The following SVBP variants were observed in gnomAD, a reference collection of about 807,000 sequenced individuals.
The protein encoded by SVBP is small vasohibin-binding protein.
A neutral mutation model predicts 9.2 loss-of-function variants in SVBP; 9 were observed. That is an observed-to-expected ratio of 0.98 (90% confidence interval 0.59 to 1.71). SVBP has a LOEUF of 1.71. Among genes scored for constraint, SVBP ranks in the 40% most tolerant of loss-of-function variants. SVBP has a pLI of 0.00. For missense variants in SVBP, 63 were observed against 73.2 expected (o/e 0.86, Z 0.51); for synonymous variants, 27 against 23.9 (o/e 1.13, Z -0.37).
Position 42,817,348 on chromosome 1 carries a change from G to T in SVBP, c.-195C>A. On this transcript the variant is annotated 5_prime_UTR_variant, in exon 1 of 3. Coordinates refer to ENST00000372521, the MANE Select transcript of SVBP (RefSeq NM_199342.4). ...CCGCGCGCCGGGGGGAGGGGCGCAG[G>T]GCCGAGCGCCAGGAGGCTTCCGCCC... 2 of 841,324 alleles carry T rather than the reference G, an allele frequency of 2.4e-6. No homozygotes were observed. The highest frequency in any genetic ancestry group is 1.5e-6 in the Non-Finnish European group (1 of 663,986). 52.1% of individuals were successfully genotyped at this position (841,324 alleles called of 1,614,324 possible).
intron 2 of SVBP, among the ~76,000 whole-genome samples, chr1:42,810,797 T>C (rs1018713365): frequency 6.6e-6 from 1 of 152,144 alleles, no homozygotes; most frequent in African/African-American, 2.4e-5. Context: ...AAACTGTCTC[T>C]TCCTCCCCAC....
In SVBP at chr1:42,816,504, T is replaced by A; in HGVS notation, c.41A>T (p.Glu14Val). 6.2e-7 allele frequency: 1 copy of A among 1,614,196 alleles called. No homozygotes were observed. The highest frequency in any genetic ancestry group is 8.5e-7 in the Non-Finnish European group (1 of 1,180,016). Residue 14 changes from glutamate (E) to valine (V), a missense_variant, in exon 2 of 3, where the codon GAA (glutamate) becomes GTA (valine). Glu to Val is a moderately radical substitution (Grantham distance 121, BLOSUM62 -2). Coordinates refer to ENST00000372521, the MANE Select transcript of SVBP (RefSeq NM_199342.4). ...GGCCTTCTCAACTCTGCTGACAGAT[T>A]CTTTAACTTTGGTTTTTTCTTTACG... ...PARKEKTKVK[E>V]SVSRVEKAKQ...
chr1:42,813,793 C>T, intron 2 of SVBP: 1 of 493,620 alleles, frequency 2.0e-6, no homozygotes, highest in Non-Finnish European at 4.1e-6. Context: ...AGGGCTGTTT[C>T]TTATAGCAAC....
Position 42,807,118 on chromosome 1 carries a change from T to C in SVBP, c.*296A>G, listed in dbSNP as rs1218691442. ...TAGAGTTTCATGAGAAACACTGATT[T>C]TTCTCAAACAATAGAAAAAGTGTTT... On this transcript the variant is annotated 3_prime_UTR_variant, in exon 3 of 3. Coordinates refer to ENST00000372521, the MANE Select transcript of SVBP (RefSeq NM_199342.4). 1 of 237,894 alleles carries C rather than the reference T, an allele frequency of 4.2e-6. No homozygotes were observed. Among genetic ancestry groups the C allele is most frequent in the African/African-American group, 2.2e-5 (1 of 44,598 alleles). 14.7% of individuals were successfully genotyped at this position (237,894 alleles called of 1,614,324 possible).
Position 42,817,331 on chromosome 1 carries a change from C to CG in SVBP, c.-179dup, listed in dbSNP as rs965481002. 5 of 1,053,210 alleles carry CG rather than the reference C, an allele frequency of 4.7e-6. No individual in the cohort carries two copies. Among genetic ancestry groups the CG allele is most frequent in the Non-Finnish European group, 4.9e-6 (4 of 818,132 alleles). The allele number at this position is 1,053,210 out of a possible 1,614,324, so 65.2% of individuals were successfully genotyped here. A position where few individuals can be genotyped will look rare whatever the true frequency, so the allele number is the denominator to read the frequency against. On this transcript the variant is annotated 5_prime_UTR_variant, in exon 1 of 3. Transcript: ENST00000372521. ...CCTCGTCCTGGGCGGGGCCGCGCGCCGGGGGGAGGGGCGCAGGGCCGAGCG... is the reference window on the plus strand; with the variant it reads ...CCTCGTCCTGGGCGGGGCCGCGCGCCGGGGGGGAGGGGCGCAGGGCCGAGCG...
chr1:42,813,888 G>T, intron 2 of SVBP: 1 of 261,524 alleles, frequency 3.8e-6, no homozygotes, highest in East Asian at 1.0e-4. Context: ...AAGGACCACA[G>T]CTCTCAGGGG....
chr1:42,816,609 CA>C (rs1333907866), intron 1 of SVBP, 29 bp from the exon 2 acceptor site: 21 of 1,028,218 alleles, frequency 2.0e-5, no homozygotes, highest in Non-Finnish European at 3.2e-5. Flanking sequence ...GGCAGATCTT[CA>C]AAACAAAACA....
At chr1:42,817,129 C>T (rs778881107) in intron 1 of SVBP, 61 bp downstream of exon 1, 1 of 1,181,480 alleles carries the variant, frequency 8.5e-7, no homozygotes, top group Non-Finnish European at 1.1e-6. Context: ...GCCCTCTTCC[C>T]TCTCCTGGAG....
At position 42,817,373 on chromosome 1, in the gene SVBP, C is replaced by T. The variant is rs187374580; in HGVS notation, c.-220G>A. The T allele has an allele frequency of 2.5e-3, 1,477 of 590,364 alleles. 27 individuals are homozygous for T. The African/African-American group carries it at 0.029, about 12-fold the overall frequency. The allele number at this position is 590,364 out of a possible 1,614,324, so 36.6% of individuals were successfully genotyped here. ...GGCCGAGCGCCAGGAGGCTTCCGCC[C>T]GCAGGAGCGGCCGCGCGTGCGCAGA... is the stretch of plus-strand genomic sequence containing the variant. On this transcript the variant is annotated 5_prime_UTR_variant, in exon 1 of 3. Transcript: ENST00000372521.
At chr1:42,814,327 C>T (rs1378898979) in intron 2 of SVBP, among the ~76,000 whole-genome samples, 2 of 151,756 alleles carry the variant, frequency 1.3e-5, no homozygotes, top group East Asian at 2.0e-4. Flanking sequence ...CCGCCTGCCT[C>T]GGACTCCCAA....
At position 42,807,153 on chromosome 1, in the gene SVBP, G is replaced by GTGTTTT. The variant is rs370658595; in HGVS notation, c.*260_*261insAAAACA. 151 of 181,066 alleles carry GTGTTTT rather than the reference G, an allele frequency of 8.3e-4. No individual in the cohort carries two copies. The highest frequency in any genetic ancestry group is 1.7e-3 in the Middle Eastern group (1 of 600). The allele number at this position is 181,066 out of a possible 1,614,324, so 11.2% of individuals were successfully genotyped here. A position where few individuals can be genotyped will look rare whatever the true frequency, so the allele number is the denominator to read the frequency against. On this transcript the variant is annotated 3_prime_UTR_variant, in exon 3 of 3. Transcript: ENST00000372521. ...AATAGAAAAAGTGTTTTTTGTGTGTGTTTTTTTTTTTTTTTTAAAAAAACC... is the reference window on the plus strand; with the variant it reads ...AATAGAAAAAGTGTTTTTTGTGTGTGTGTTTTTTTTTTTTTTTTTTTTAAAAAAACC...
At chr1:42,816,682 G>T in intron 1 of SVBP, 102 bp from the exon 2 acceptor site, 1 of 632,300 alleles carries the variant, frequency 1.6e-6, no homozygotes, top group Non-Finnish European at 2.7e-6. Flanking sequence ...TCCTTTGCCA[G>T]GTGAGGCAGA....
Position 42,816,573 on chromosome 1 carries a change from G to T in SVBP, c.-29C>A, listed in dbSNP as rs768354651. 1.4e-6 allele frequency: 2 copies of T among 1,479,238 alleles called. No homozygotes were observed. The highest frequency in any genetic ancestry group is 1.9e-6 in the Non-Finnish European group (2 of 1,057,398). The allele number at this position is 1,479,238 out of a possible 1,614,324, so 91.6% of individuals were successfully genotyped here. On this transcript the variant is annotated 5_prime_UTR_variant, in exon 2 of 3. Transcript: ENST00000372521. ...TTGACTTCTGGATATTTCTTAGGAG[G>T]CTCTGATCTGGGTGGTACAGAAAGA...
At chr1:42,810,146 ACACACACATAT>A (rs1254717828) in intron 2 of SVBP, among the ~76,000 whole-genome samples, 20 of 149,226 alleles carry the variant, frequency 1.3e-4, no homozygotes, top group African/African-American at 4.9e-4. Flanking sequence ...ACACACACAC[ACACACACATAT>A]ATTTTTTTTG....
At chr1:42,813,715 T>C (rs1031567116) in intron 2 of SVBP, 13 of 532,590 alleles carry the variant, frequency 2.4e-5, no homozygotes, top group Middle Eastern at 6.6e-4. Context: ...CAGTGAGAGC[T>C]CCCTTGGCTA....
intron 2 of SVBP, chr1:42,809,260 G>A (rs1654030386): frequency 6.6e-6 from 1 of 152,184 alleles, no homozygotes; most frequent in African/African-American, 2.4e-5. Context: ...GTGTGTGTGT[G>A]TGTAGAGGAG....
chr1:42,807,242 T>G lies in SVBP; in HGVS notation c.*172A>C, dbSNP rs1265830137. On this transcript the variant is annotated 3_prime_UTR_variant, in exon 3 of 3. Coordinates refer to ENST00000372521, the MANE Select transcript of SVBP (RefSeq NM_199342.4). ...TCTCTTCAGCAAGCATGTGGCCAAT[T>G]CAGATGGGAGGAACCAGTGAAGTTA... 5 of 443,148 alleles carry G rather than the reference T, an allele frequency of 1.1e-5. No individual in the cohort carries two copies. The highest frequency in any genetic ancestry group is 7.6e-5 in the Admixed American group (2 of 26,346). The allele number at this position is 443,148 out of a possible 1,614,324, so 27.5% of individuals were successfully genotyped here. A position where few individuals can be genotyped will look rare whatever the true frequency, so the allele number is the denominator to read the frequency against.
At chr1:42,807,593 G>C in intron 2 of SVBP, 93 bp from the exon 3 acceptor site, 5 of 921,998 alleles carry the variant, frequency 5.4e-6, no homozygotes, top group South Asian at 2.7e-5. Context: ...GAAAATACCA[G>C]AATTTCACCA....
intron 2 of SVBP, chr1:42,813,803 C>T (rs2124251050): frequency 2.1e-6 from 1 of 480,810 alleles, no homozygotes; most frequent in Middle Eastern, 7.8e-4. Flanking sequence ...CTTATAGCAA[C>T]CCTCATATTG....
Sources: gnomAD v4.1 joint callset for allele counts (sites outside exome capture counted in the v4.1 genomes callset) on GRCh38, gnomAD v4.1.1 for gene constraint, MANE v1.5 for transcripts, NCBI Gene and HGNC (gene_info 2026-07-23, HGNC 2026-07-21) for gene names.